The following ELAVL2 variants were observed in gnomAD, a reference collection of about 807,000 sequenced individuals.
The protein encoded by ELAVL2 is ELAV-like protein 2.
A neutral mutation model predicts 34.6 loss-of-function variants in ELAVL2; 4 were observed. The observed-to-expected ratio is 0.12, with a 90% CI of 0.06 to 0.26. ELAVL2 has a LOEUF of 0.26. ELAVL2 is among the 10% of genes least tolerant of loss of function. ELAVL2 has a pLI of 1.00. For synonymous variants in ELAVL2, 193 were observed against 154.8 expected (o/e 1.25, Z -1.83); for missense variants, 432 against 442.8 (o/e 0.98, Z 0.22).
chr9:23,704,644 A>G (rs907590281), intron 4 of ELAVL2, among the ~76,000 whole-genome samples: 28 of 152,214 alleles, frequency 1.8e-4, no homozygotes, highest in Admixed American at 6.5e-4. Context: ...CTTGGAAATG[A>G]AGATTATAGC....
At position 23,761,691 on chromosome 9, in the gene ELAVL2, C is replaced by T. The variant is rs1281558394; in HGVS notation, c.229+315G>A. ...CTGTTGAAATGCTAACTTAAATACA[C>T]TCAGGGTACTAAAAGATAAAAGTTA... On this transcript the variant is annotated intron_variant, in intron 2 of 6. Coordinates refer to ENST00000397312, the MANE Select transcript of ELAVL2 (RefSeq NM_004432.5). Among the ~76,000 whole-genome samples, 3 of 151,980 alleles carry T rather than the reference C, an allele frequency of 2.0e-5. No homozygotes were observed. In the East Asian group the frequency reaches 5.8e-4, roughly 29 times the overall value.
At chr9:23,809,804 T>C (rs2062739698) in intron 1 of ELAVL2, among the ~76,000 whole-genome samples, 1 of 152,160 alleles carries the variant, frequency 6.6e-6, no homozygotes, top group East Asian at 1.9e-4. Context: ...TGTAATTCTT[T>C]GTCATCCACT....
intron 2 of ELAVL2, among the ~76,000 whole-genome samples, chr9:23,747,132 T>C (rs1000675707): frequency 6.6e-6 from 1 of 151,868 alleles, no homozygotes; most frequent in African/African-American, 2.4e-5. Context: ...AAACCACAGA[T>C]AGTACTGAAT....
intron 2 of ELAVL2, among the ~76,000 whole-genome samples, chr9:23,743,447 T>C (rs1314855777): frequency 1.3e-5 from 2 of 152,164 alleles, no homozygotes; most frequent in African/African-American, 2.4e-5. Context: ...TAGACAATGA[T>C]TCATTAGGAC....
chr9:23,749,432 C>A (rs1008752972), intron 2 of ELAVL2, among the ~76,000 whole-genome samples: 1 of 151,844 alleles, frequency 6.6e-6, no homozygotes, highest in Non-Finnish European at 1.5e-5. Flanking sequence ...ATTAGCATAA[C>A]GAGTGTTAGA....
chr9:23,723,220 A>G (rs1587717986), intron 3 of ELAVL2, among the ~76,000 whole-genome samples: 2 of 152,124 alleles, frequency 1.3e-5, no homozygotes, highest in Admixed American at 6.6e-5. Flanking sequence ...GCACATATAC[A>G]CCATGGAATA....
At position 23,693,403 on chromosome 9, in the gene ELAVL2, C is replaced by A. The variant is rs184358313; in HGVS notation, c.752+45G>T. On this transcript the variant is annotated intron_variant, in intron 6 of 6. Transcript: ENST00000397312. Reference sequence around the variant, plus strand: ...CACTCCCAAAATCAAAGAAACCAATCAACTGTGGAAAGGGATTATGAGTAT... The same window carrying A: ...CACTCCCAAAATCAAAGAAACCAATAAACTGTGGAAAGGGATTATGAGTAT... 38 of 1,610,904 alleles carry A rather than the reference C, an allele frequency of 2.4e-5. No homozygotes were observed. The African/African-American group carries it at 4.5e-4, about 19-fold the overall frequency.
chr9:23,728,980 G>A (rs1377186386), intron 3 of ELAVL2, among the ~76,000 whole-genome samples: 3 of 152,060 alleles, frequency 2.0e-5, no homozygotes, highest in Non-Finnish European at 2.9e-5. Flanking sequence ...CACTATAAAA[G>A]CCACAAAGCT....
intron 1 of ELAVL2, among the ~76,000 whole-genome samples, chr9:23,769,363 G>T (rs191106421): frequency 1.3e-5 from 2 of 152,092 alleles, no homozygotes; most frequent in Non-Finnish European, 2.9e-5. Flanking sequence ...TCATCTGCCC[G>T]ACACACACCA....
intron 2 of ELAVL2, among the ~76,000 whole-genome samples, chr9:23,745,108 G>A (rs1249046921): frequency 6.6e-6 from 1 of 152,070 alleles, no homozygotes; most frequent in Non-Finnish European, 1.5e-5. Context: ...GGAGGCCAAG[G>A]TGGGAAGATC....
intron 3 of ELAVL2, among the ~76,000 whole-genome samples, chr9:23,711,662 G>C (rs1180823113): frequency 6.6e-6 from 1 of 152,112 alleles, no homozygotes; most frequent in African/African-American, 2.4e-5. Context: ...AGTCTGAGTT[G>C]GGTGCCTCTT....
chr9:23,757,779 G>C (rs186547976), intron 2 of ELAVL2, among the ~76,000 whole-genome samples: 9 of 152,130 alleles, frequency 5.9e-5, no homozygotes, highest in Non-Finnish European at 1.0e-4. Context: ...ACTTAGTCTA[G>C]AGAGAAGATT....
rs1038437893 is a variant in ELAVL2, at chr9:23,755,445, C to T, written c.229+6561G>A. Among the ~76,000 whole-genome samples the T allele has an allele frequency of 2.7e-4, 41 of 152,024 alleles. 2 individuals are homozygous for T. The Middle Eastern group carries it at 0.034, about 127-fold the overall frequency. ...ATATGAAGCTTCTACAGTGATAACACCAAATTTTTTAAATGACTGCAAGAC... is the reference window on the plus strand; with the variant it reads ...ATATGAAGCTTCTACAGTGATAACATCAAATTTTTTAAATGACTGCAAGAC... On this transcript the variant is annotated intron_variant, in intron 2 of 6. Transcript: ENST00000397312.
Position 23,793,803 on chromosome 9 carries a change from TA to T in ELAVL2, c.-15-31555del, listed in dbSNP as rs79587469. Reference sequence around the variant, plus strand: ...AGTGGACTTTCCACCTCCAAACTTTTATAACTATTTTCTCCACTCATGATCT... The same window carrying T: ...AGTGGACTTTCCACCTCCAAACTTTTTAACTATTTTCTCCACTCATGATCT... On this transcript the variant is annotated intron_variant, in intron 1 of 6. Transcript: ENST00000397312. Among the ~76,000 whole-genome samples the T allele has an allele frequency of 3.2e-3, 488 of 152,292 alleles. 16 individuals carry two copies. In the East Asian group the frequency reaches 0.064, roughly 20 times the overall value.
intron 1 of ELAVL2, among the ~76,000 whole-genome samples, chr9:23,787,564 TA>T (rs199690803): frequency 6.9e-6 from 1 of 144,754 alleles, no homozygotes; most frequent in Non-Finnish European, 1.5e-5. Context: ...GAAATAGGCT[TA>T]AAAAAACAAA....
chr9:23,756,116 A>G (rs1321767175), intron 2 of ELAVL2, among the ~76,000 whole-genome samples: 1 of 152,190 alleles, frequency 6.6e-6, no homozygotes, highest in Non-Finnish European at 1.5e-5. Flanking sequence ...CCATTAAAAT[A>G]GTTTGGAAAT....
At position 23,716,154 on chromosome 9, in the gene ELAVL2, G is replaced by C. The variant is rs180790019; in HGVS notation, c.334-11083C>G. Among the ~76,000 whole-genome samples the C allele has an allele frequency of 3.4e-5, 5 of 148,888 alleles. No homozygotes were observed. In the South Asian group the frequency reaches 1.1e-3, roughly 33 times the overall value. ...CACAGGGTGGGGAACATCACACACC[G>C]GGGCCTGTTGTCGGGTTGGGGGAGG... On this transcript the variant is annotated intron_variant, in intron 3 of 6. Coordinates refer to ENST00000397312, the MANE Select transcript of ELAVL2 (RefSeq NM_004432.5).
chr9:23,704,048 T>A (rs2038439364), intron 4 of ELAVL2, among the ~76,000 whole-genome samples: 1 of 152,108 alleles, frequency 6.6e-6, no homozygotes, highest in African/African-American at 2.4e-5. Context: ...TTCTCCTGCC[T>A]CAGCCTCCTG....
In ELAVL2 at chr9:23,691,553, C is replaced by T. The variant is rs2033173239; in HGVS notation, c.*1004G>A. On this transcript the variant is annotated 3_prime_UTR_variant, in exon 7 of 7. Transcript: ENST00000397312. ...TCTCTCGGTAATTTAAATTTCTTGCCTGCTCTTATATATTCTTTTGTAAAT... is the reference window on the plus strand; with the variant it reads ...TCTCTCGGTAATTTAAATTTCTTGCTTGCTCTTATATATTCTTTTGTAAAT... The T allele has an allele frequency of 6.6e-6, 1 of 152,352 alleles. No individual in the cohort carries two copies. Among genetic ancestry groups the T allele is most frequent in the African/African-American group, 2.4e-5 (1 of 41,380 alleles). 9.4% of individuals were successfully genotyped at this position (152,352 alleles called of 1,614,324 possible). A position where few individuals can be genotyped will look rare whatever the true frequency, so the allele number is the denominator to read the frequency against.
Sources: gnomAD v4.1 joint callset for allele counts (sites outside exome capture counted in the v4.1 genomes callset) on GRCh38, gnomAD v4.1.1 for gene constraint, MANE v1.5 for transcripts, NCBI Gene and HGNC (gene_info 2026-07-23, HGNC 2026-07-21) for gene names.